The following GAD2 variants were observed in gnomAD, a reference collection of about 807,000 sequenced individuals.
GAD2 encodes glutamate decarboxylase 2.
A neutral mutation model predicts 80.1 loss-of-function variants in GAD2; 22 were observed. The observed-to-expected ratio is 0.27, with a 90% confidence interval of 0.20 to 0.39. GAD2 has a LOEUF of 0.39. Ranked by LOEUF, GAD2 falls within the 10% of genes least tolerant of loss-of-function variation. The probability of loss-of-function intolerance (pLI) is 1.00; values close to 1 mark genes in which losing one functional copy is unlikely to be tolerated. For missense variants in GAD2, 624 were observed against 738.4 expected (o/e 0.85, Z 1.80); for synonymous variants, 274 against 256.9 (o/e 1.07, Z -0.64).
chr10:26,287,473 G>A (rs1403738879), intron 13 of GAD2, among the ~76,000 whole-genome samples: 3 of 152,150 alleles, frequency 2.0e-5, no homozygotes, highest in Non-Finnish European at 2.9e-5. Context: ...AGGAGGTAAA[G>A]GAAGGCAAAA....
intron 11 of GAD2, among the ~76,000 whole-genome samples, chr10:26,279,480 C>T (rs566656413): frequency 4.6e-4 from 70 of 152,194 alleles, no homozygotes; most frequent in Non-Finnish European, 9.3e-4. Flanking sequence ...CTGCAGGAGC[C>T]GTACCCTGTA....
intron 15 of GAD2, among the ~76,000 whole-genome samples, chr10:26,295,815 G>A (rs1834268289): frequency 6.6e-6 from 1 of 152,114 alleles, no homozygotes; most frequent in African/African-American, 2.4e-5. Flanking sequence ...TTGGGGAAAT[G>A]CAGAGTTTCC....
chr10:26,229,571 G>T, intron 6 of GAD2, 91 bp from the exon 7 acceptor site: 6 of 860,922 alleles, frequency 7.0e-6, no homozygotes, highest in Non-Finnish European at 1.1e-5. Context: ...AGTCCAAGGA[G>T]GACTCAGGTC....
intron 6 of GAD2, among the ~76,000 whole-genome samples, chr10:26,227,056 G>A (rs1034832903): frequency 1.3e-5 from 2 of 152,108 alleles, no homozygotes; most frequent in South Asian, 2.1e-4. Flanking sequence ...GCAGTGGCAC[G>A]ATCTCAGCTC....
chr10:26,250,422 G>T (rs1844864593), intron 8 of GAD2, among the ~76,000 whole-genome samples: 1 of 152,128 alleles, frequency 6.6e-6, no homozygotes. Flanking sequence ...ACACCCCTTG[G>T]GAGAGACAGA....
Position 26,273,667 on chromosome 10 carries a change from G to T in GAD2, c.1124G>T (p.Arg375Leu), listed in dbSNP as rs8190730. 2.1e-5 allele frequency: 34 copies of T among 1,613,424 alleles called. No individual in the cohort carries two copies. In the African/African-American group the frequency reaches 4.1e-4, roughly 20 times the overall value. Residue 375 changes from arginine (R) to leucine (L), a missense_variant, in exon 11 of 16, where the codon CGA becomes CTA. Transcript: ENST00000376261. ...TGGGGTGGGGGATTACTGATGTCCC[G>T]AAAACACAAGTGGAAACTGAGTGGC... ...AAWGGGLLMS[R>L]KHKWKLSGVE...
chr10:26,248,207 C>G (rs1844833409), intron 8 of GAD2, among the ~76,000 whole-genome samples: 1 of 152,296 alleles, frequency 6.6e-6, no homozygotes, highest in South Asian at 2.1e-4. Context: ...GGTTACACAT[C>G]AGTTTGGCCC....
At chr10:26,293,604 T>C (rs1458876982) in intron 15 of GAD2, among the ~76,000 whole-genome samples, 1 of 152,210 alleles carries the variant, frequency 6.6e-6, no homozygotes, top group Non-Finnish European at 1.5e-5. Context: ...CTGAAGTTCA[T>C]TGATGTTCCA....
chr10:26,273,814 G>A, intron 11 of GAD2, 114 bp downstream of exon 11: 1 of 808,550 alleles, frequency 1.2e-6, no homozygotes, highest in South Asian at 1.7e-5. Context: ...ACTCTATTCA[G>A]TGCTTGTGTT....
intron 8 of GAD2, among the ~76,000 whole-genome samples, chr10:26,264,434 G>C (rs369662337): frequency 5.3e-5 from 8 of 151,286 alleles, no homozygotes. Context: ...TCAGCCTCCA[G>C]AGTAGCTGGG....
intron 9 of GAD2, among the ~76,000 whole-genome samples, chr10:26,270,337 C>T (rs144584994): frequency 6.6e-5 from 10 of 152,100 alleles, no homozygotes; most frequent in East Asian, 1.9e-4. Flanking sequence ...GAAAGTCTAC[C>T]GGGAATATAT....
At chr10:26,280,601 CG>C (rs1302809013) in intron 11 of GAD2, among the ~76,000 whole-genome samples, 6 of 152,028 alleles carry the variant, frequency 3.9e-5, no homozygotes, top group Non-Finnish European at 8.8e-5. Context: ...GCAGGTTTCC[CG>C]TAAGCCGTTC....
chr10:26,275,577 C>T (rs774339043), intron 11 of GAD2, among the ~76,000 whole-genome samples: 4 of 152,146 alleles, frequency 2.6e-5, no homozygotes, highest in Admixed American at 6.5e-5. Flanking sequence ...GAGCAGAATC[C>T]CCTTTAGCCA....
intron 7 of GAD2, among the ~76,000 whole-genome samples, chr10:26,241,549 T>TC (rs1844742576): frequency 7.1e-6 from 1 of 140,700 alleles, no homozygotes; most frequent in African/African-American, 3.2e-5. Flanking sequence ...TCTGCTCATT[T>TC]CTTTTTTTTT....
At chr10:26,229,044 A>AT (rs1383464449) in intron 6 of GAD2, among the ~76,000 whole-genome samples, 1 of 152,034 alleles carries the variant, frequency 6.6e-6, no homozygotes, top group East Asian at 1.9e-4. Flanking sequence ...ACACAAAAAA[A>AT]TTAGCCGGGT....
Position 26,246,011 on chromosome 10 carries a change from A to G in GAD2, c.920+11A>G, listed in dbSNP as rs1844805027. 1 of 1,612,098 alleles carries G rather than the reference A, an allele frequency of 6.2e-7. No individual in the cohort carries two copies. The highest frequency in any genetic ancestry group is 8.5e-7 in the Non-Finnish European group (1 of 1,178,400). On this transcript the variant is annotated intron_variant, in intron 8 of 15. Transcript: ENST00000376261. ...TAAATGTGATGAGAGGTGAGCACGC[A>G]TCGGCAACTCTTGTTGGTTAGCAAT... is the stretch of plus-strand genomic sequence containing the variant.
At chr10:26,250,745 A>G (rs1219112625) in intron 8 of GAD2, among the ~76,000 whole-genome samples, 2 of 152,130 alleles carry the variant, frequency 1.3e-5, no homozygotes, top group Non-Finnish European at 2.9e-5. Flanking sequence ...ATATATGCTC[A>G]CTTTTTTTAA....
chr10:26,289,430 T>C (rs962394591), intron 13 of GAD2, among the ~76,000 whole-genome samples: 3 of 152,196 alleles, frequency 2.0e-5, no homozygotes, highest in African/African-American at 7.2e-5. Flanking sequence ...AGCCTAAGTA[T>C]AAATTATTCT....
intron 7 of GAD2, among the ~76,000 whole-genome samples, chr10:26,235,192 C>T (rs1369352983): frequency 6.6e-6 from 1 of 152,096 alleles, no homozygotes; most frequent in Non-Finnish European, 1.5e-5. Context: ...TATTCTTGTG[C>T]TAATTTCCTG....
Sources: gnomAD v4.1 joint callset for allele counts (sites outside exome capture counted in the v4.1 genomes callset) on GRCh38, gnomAD v4.1.1 for gene constraint, MANE v1.5 for transcripts, NCBI Gene and HGNC (gene_info 2026-07-23, HGNC 2026-07-21) for gene names.